The following LOXL2 variants were observed in gnomAD, a reference collection of about 807,000 sequenced individuals.
The protein encoded by LOXL2 is lysyl oxidase homolog 2.
LOXL2 carries 70 observed loss-of-function variants against 93.0 expected under a neutral mutation model. The observed-to-expected ratio is 0.75, with a 90% CI of 0.62 to 0.92. The LOEUF (loss-of-function observed/expected upper bound fraction) is 0.92, where lower values mean the gene tolerates loss of function less well. LOXL2 is among the 40% of genes least tolerant of loss of function. The pLI is 0.00. For missense variants in LOXL2, 973 were observed against 1,054.9 expected (o/e 0.92, Z 1.08); for synonymous variants, 438 against 413.2 (o/e 1.06, Z -0.73).
At chr8:23,352,916 G>A (rs1804117987) in intron 3 of LOXL2, among the ~76,000 whole-genome samples, 1 of 151,180 alleles carries the variant, frequency 6.6e-6, no homozygotes, top group South Asian at 2.1e-4. Context: ...AAATCTCACA[G>A]CCTGGGGATT....
At chr8:23,380,790 A>G (rs961568962) in intron 1 of LOXL2, among the ~76,000 whole-genome samples, 2 of 152,162 alleles carry the variant, frequency 1.3e-5, no homozygotes, top group East Asian at 1.9e-4. Context: ...AAGGTGGCCA[A>G]TCGCTTGAGG....
intron 1 of LOXL2, chr8:23,402,680 G>A (rs545472352): frequency 2.6e-5 from 4 of 152,114 alleles, no homozygotes; most frequent in African/African-American, 7.3e-5. Flanking sequence ...CAGGCTAGCA[G>A]TGGTGTAGGG....
chr8:23,350,278 G>A (rs988094861), intron 3 of LOXL2, among the ~76,000 whole-genome samples: 1 of 152,146 alleles, frequency 6.6e-6, no homozygotes, highest in African/African-American at 2.4e-5. Context: ...GAAACTCTTA[G>A]TTTAAGAGGC....
Position 23,310,960 on chromosome 8 carries a change from C to T in LOXL2, c.1637-1049G>A, listed in dbSNP as rs140386778. Among the ~76,000 whole-genome samples, 347 of 152,344 alleles carry T rather than the reference C, an allele frequency of 2.3e-3. 1 individual carries two copies. Among genetic ancestry groups the T allele is most frequent in the African/African-American group, 7.8e-3 (324 of 41,572 alleles). ...AAAAGTGAGCTTTCAGTGAACACTTCTAGTACACAGAAAAATGCCATATAT... is the reference window on the plus strand; with the variant it reads ...AAAAGTGAGCTTTCAGTGAACACTTTTAGTACACAGAAAAATGCCATATAT... On this transcript the variant is annotated intron_variant, in intron 9 of 13. Coordinates refer to ENST00000389131, the MANE Select transcript of LOXL2 (RefSeq NM_002318.3).
At chr8:23,390,408 A>G (rs1159244170) in intron 1 of LOXL2, among the ~76,000 whole-genome samples, 1 of 152,220 alleles carries the variant, frequency 6.6e-6, no homozygotes, top group Non-Finnish European at 1.5e-5. Context: ...CTGGCCAAAG[A>G]GTCTACTTCA....
intron 10 of LOXL2, 40 bp downstream of exon 10, chr8:23,309,628 G>A (rs753389403): frequency 2.5e-5 from 34 of 1,381,596 alleles, no homozygotes; most frequent in Middle Eastern, 2.7e-4. Context: ...CAGGATGTCC[G>A]CCGGGCAGCT....
At chr8:23,340,770 T>G (rs1803869222) in intron 4 of LOXL2, among the ~76,000 whole-genome samples, 1 of 152,134 alleles carries the variant, frequency 6.6e-6, no homozygotes, top group Non-Finnish European at 1.5e-5. Flanking sequence ...TTAGGGTCTA[T>G]CTCCTGTAGA....
intron 1 of LOXL2, among the ~76,000 whole-genome samples, chr8:23,399,185 C>G (rs562404647): frequency 1.3e-5 from 2 of 152,220 alleles, no homozygotes; most frequent in Non-Finnish European, 2.9e-5. Flanking sequence ...TCTGAGGCCT[C>G]ATGGACCACC....
intron 3 of LOXL2, 53 bp from the exon 4 acceptor site, chr8:23,341,256 G>T: frequency 7.2e-7 from 1 of 1,398,174 alleles, no homozygotes; most frequent in Non-Finnish European, 1.0e-6. Context: ...CCTGGCTGCA[G>T]AGACACCAGG....
intron 3 of LOXL2, among the ~76,000 whole-genome samples, chr8:23,346,142 T>TG (rs1803973796): frequency 8.9e-6 from 1 of 112,558 alleles, no homozygotes. Context: ...TAAAATAAAA[T>TG]AAATAAAATA....
At chr8:23,320,671 G>A (rs12544447) in intron 7 of LOXL2, among the ~76,000 whole-genome samples, 27 of 152,296 alleles carry the variant, frequency 1.8e-4, no homozygotes, top group African/African-American at 6.5e-4. Context: ...ACTTTGCGGG[G>A]CCAAGGTGGG....
rs536478633 is a variant in LOXL2, at chr8:23,339,798, A to G, written c.743+1194T>C. ...ATGTCTGGGGACTGGAATCACCATC[A>G]TGGCCAGCCTGGGGTGTTGTGTGCT... On this transcript the variant is annotated intron_variant, in intron 4 of 13. Transcript: ENST00000389131. 2.0e-5 allele frequency among the ~76,000 whole-genome samples: 3 copies of G among 152,318 alleles called. No homozygotes were observed. In the South Asian group the frequency reaches 6.2e-4, roughly 32 times the overall value.
chr8:23,350,782 A>C (rs1804079581), intron 3 of LOXL2, among the ~76,000 whole-genome samples: 1 of 151,824 alleles, frequency 6.6e-6, no homozygotes, highest in African/African-American at 2.4e-5. Flanking sequence ...AAGCTTTGTA[A>C]CACTGCTGGA....
At chr8:23,335,688 GA>G (rs1803777764) in intron 4 of LOXL2, among the ~76,000 whole-genome samples, 1 of 152,176 alleles carries the variant, frequency 6.6e-6, no homozygotes, top group South Asian at 2.1e-4. Flanking sequence ...TAAGATGCCA[GA>G]AGGAGCCAGC....
At chr8:23,352,539 G>A (rs549199427) in intron 3 of LOXL2, among the ~76,000 whole-genome samples, 106 of 152,266 alleles carry the variant, frequency 7.0e-4, no homozygotes, top group African/African-American at 2.2e-3. Context: ...CTTTTAGGCT[G>A]AAGCCCTCCA....
intron 2 of LOXL2, among the ~76,000 whole-genome samples, chr8:23,366,545 AGT>A (rs1804404475): frequency 6.6e-6 from 1 of 152,254 alleles, no homozygotes; most frequent in Admixed American, 6.5e-5. Context: ...AAAGAGACAG[AGT>A]CCTGGGCTCC....
intron 1 of LOXL2, among the ~76,000 whole-genome samples, chr8:23,403,036 G>T (rs1261219827): frequency 6.6e-6 from 1 of 152,096 alleles, no homozygotes; most frequent in East Asian, 1.9e-4. Context: ...AGGGAACCTC[G>T]CTTGTTCTCC....
chr8:23,334,965 T>C (rs1803766630), intron 4 of LOXL2, among the ~76,000 whole-genome samples: 1 of 152,002 alleles, frequency 6.6e-6, no homozygotes, highest in South Asian at 2.1e-4. Flanking sequence ...TACAGGTACC[T>C]GCCACCACAT....
At chr8:23,372,221 CT>C (rs71210611) in intron 1 of LOXL2, among the ~76,000 whole-genome samples, 41 of 145,268 alleles carry the variant, frequency 2.8e-4, no homozygotes, top group Non-Finnish European at 3.2e-4. Context: ...ATTTCTTTTT[CT>C]TTTTTTTTTT....
Sources: allele counts gnomAD v4.1 joint callset (sites outside exome capture counted in the v4.1 genomes callset), GRCh38; gene constraint gnomAD v4.1.1; transcripts MANE v1.5; gene names NCBI Gene and HGNC (gene_info 2026-07-23, HGNC 2026-07-21).